FBXL17: variants seen among roughly 807,000 people sequenced by gnomAD.
FBXL17 encodes F-box/LRR-repeat protein 17.
FBXL17 carries 22 observed loss-of-function variants against 66.2 expected under a neutral mutation model. That is an observed-to-expected ratio of 0.33 (90% CI 0.24 to 0.47). The LOEUF (loss-of-function observed/expected upper bound fraction) is 0.47, where lower values mean the gene tolerates loss of function less well. Ranked by LOEUF, FBXL17 falls within the 20% of genes least tolerant of loss-of-function variation. The pLI is 1.00. For missense variants in FBXL17, 878 were observed against 948.2 expected (o/e 0.93, Z 0.97); for synonymous variants, 474 against 400.5 (o/e 1.18, Z -2.19).
chr5:108,042,373 A>T (rs968781739), intron 6 of FBXL17, among the ~76,000 whole-genome samples: 1 of 152,120 alleles, frequency 6.6e-6, no homozygotes, highest in Non-Finnish European at 1.5e-5. Context: ...CCATCACTAG[A>T]AGGATTCTTC....
chr5:108,037,837 C>G (rs576953968), intron 6 of FBXL17, among the ~76,000 whole-genome samples: 1 of 152,150 alleles, frequency 6.6e-6, no homozygotes, highest in Non-Finnish European at 1.5e-5. Context: ...TTTCCCTTAT[C>G]TCTAGACATT....
In FBXL17 at chr5:108,137,227, G is replaced by A. The variant is rs577077614; in HGVS notation, c.1745+48890C>T. ...ATAATTACATTCAGTGTAATCTCTT[G>A]TAAGTATACATTATTTCATTCTGAC... On this transcript the variant is annotated intron_variant, in intron 6 of 8. Coordinates refer to ENST00000542267, the MANE Select transcript of FBXL17 (RefSeq NM_001163315.3). Among the ~76,000 whole-genome samples, 3 of 152,252 alleles carry A rather than the reference G, an allele frequency of 2.0e-5. No homozygotes were observed. In the South Asian group the frequency reaches 6.2e-4, roughly 32 times the overall value.
At chr5:107,923,735 A>G (rs188609222) in intron 7 of FBXL17, among the ~76,000 whole-genome samples, 1 of 152,332 alleles carries the variant, frequency 6.6e-6, no homozygotes, top group African/African-American at 2.4e-5. Flanking sequence ...TTTCAAGGGC[A>G]CAGGATTCTT....
At chr5:108,287,419 A>G (rs1183895888) in intron 4 of FBXL17, among the ~76,000 whole-genome samples, 2 of 152,096 alleles carry the variant, frequency 1.3e-5, no homozygotes, top group African/African-American at 4.8e-5. Context: ...CAAATCGACA[A>G]GCAAAAAGCA....
intron 6 of FBXL17, among the ~76,000 whole-genome samples, chr5:108,056,857 C>T (rs1207249501): frequency 1.3e-5 from 2 of 152,328 alleles, no homozygotes; most frequent in East Asian, 1.9e-4. Flanking sequence ...TTTCTGCATA[C>T]ACACTTAACT....
chr5:107,973,152 A>T (rs1000985475), intron 7 of FBXL17, among the ~76,000 whole-genome samples: 4 of 151,664 alleles, frequency 2.6e-5, no homozygotes, highest in Non-Finnish European at 4.4e-5. Context: ...TTCAGGGTAT[A>T]CTCCATTTTA....
chr5:108,179,224 T>C (rs1346090700), intron 6 of FBXL17, among the ~76,000 whole-genome samples: 1 of 152,168 alleles, frequency 6.6e-6, no homozygotes, highest in Non-Finnish European at 1.5e-5. Flanking sequence ...TTTCTAAATA[T>C]CACCGTTTTT....
intron 4 of FBXL17, among the ~76,000 whole-genome samples, chr5:108,336,230 TGTATTACTCTCAAAGC>T (rs1760376796): frequency 6.6e-6 from 1 of 152,154 alleles, no homozygotes; most frequent in South Asian, 2.1e-4. Flanking sequence ...CTCTGCGTGG[TGTATTACTCTCAAAGC>T]ATGCAATGCC....
At chr5:108,246,907 T>C (rs1429303591) in intron 4 of FBXL17, among the ~76,000 whole-genome samples, 1 of 152,200 alleles carries the variant, frequency 6.6e-6, no homozygotes, top group Non-Finnish European at 1.5e-5. Flanking sequence ...GGAGACTCAG[T>C]CTCTTGAAAT....
intron 4 of FBXL17, among the ~76,000 whole-genome samples, chr5:108,255,262 G>A (rs1456469830): frequency 6.6e-6 from 1 of 152,078 alleles, no homozygotes; most frequent in Non-Finnish European, 1.5e-5. Context: ...TGTACTGAAA[G>A]CTCAGCATGC....
chr5:108,092,745 A>T (rs1749233300), intron 6 of FBXL17, among the ~76,000 whole-genome samples: 1 of 152,202 alleles, frequency 6.6e-6, no homozygotes, highest in Non-Finnish European at 1.5e-5. Flanking sequence ...TTTCAATTAC[A>T]CACCTGAGGG....
At chr5:107,967,806 G>A (rs17437916) in intron 7 of FBXL17, among the ~76,000 whole-genome samples, 36,736 of 151,910 alleles carry the variant, frequency 0.24, 4,643 homozygotes, top group Middle Eastern at 0.33. Flanking sequence ...AAAAATTTCT[G>A]TAATTGGATG....
chr5:108,171,177 G>A (rs1049060576), intron 6 of FBXL17, among the ~76,000 whole-genome samples: 4 of 152,246 alleles, frequency 2.6e-5, no homozygotes, highest in African/African-American at 9.6e-5. Context: ...ACTGCAAATG[G>A]ATGTTATTTT....
intron 2 of FBXL17, among the ~76,000 whole-genome samples, chr5:108,366,250 A>G (rs544488647): frequency 7.2e-5 from 11 of 152,010 alleles, no homozygotes; most frequent in Non-Finnish European, 1.6e-4. Context: ...GGCCATCTGA[A>G]TTTTTGTTTT....
At chr5:107,960,054 C>G (rs7721143) in intron 7 of FBXL17, among the ~76,000 whole-genome samples, 129,620 of 152,156 alleles carry the variant, frequency 0.85, 55,625 homozygotes, top group African/African-American at 0.93. Flanking sequence ...GAACAGGAAT[C>G]ATAGGGACAG....
intron 5 of FBXL17, among the ~76,000 whole-genome samples, chr5:108,187,796 T>G (rs1440786741): frequency 6.6e-6 from 1 of 152,232 alleles, no homozygotes; most frequent in Non-Finnish European, 1.5e-5. Flanking sequence ...GTGAGACCTG[T>G]GTCAGACAGG....
rs527752200 is a variant in FBXL17 at position 108,302,224 on chromosome 5, T to G, written c.1506+46175A>C. Among the ~76,000 whole-genome samples the G allele has an allele frequency of 1.5e-3, 221 of 151,840 alleles. 1 individual carries two copies. The highest frequency in any genetic ancestry group is 2.4e-3 in the Non-Finnish European group (160 of 67,762). On this transcript the variant is annotated intron_variant, in intron 4 of 8. Transcript: ENST00000542267. ...AAGATAGTGTAATGACTATCCCAAG[T>G]AAATATAAAGTCATCACTAGTCAAA...
At chr5:108,263,824 G>C (rs1033180484) in intron 4 of FBXL17, among the ~76,000 whole-genome samples, 1 of 152,170 alleles carries the variant, frequency 6.6e-6, no homozygotes, top group African/African-American at 2.4e-5. Context: ...AAAAACCCAT[G>C]ATATGGGAGA....
At chr5:108,277,276 C>T (rs1392111749) in intron 4 of FBXL17, among the ~76,000 whole-genome samples, 2 of 152,070 alleles carry the variant, frequency 1.3e-5, no homozygotes, top group African/African-American at 2.4e-5. Flanking sequence ...CTCCCAAACT[C>T]GTGAACCAAG....
Sources: gnomAD v4.1 joint callset for allele counts (sites outside exome capture counted in the v4.1 genomes callset) on GRCh38, gnomAD v4.1.1 for gene constraint, MANE v1.5 for transcripts, NCBI Gene and HGNC (gene_info 2026-07-23, HGNC 2026-07-21) for gene names.